AGPAT3: variants seen among roughly 807,000 people sequenced by gnomAD.
AGPAT3 encodes 1-acyl-sn-glycerol-3-phosphate acyltransferase gamma.
In AGPAT3, 5 loss-of-function variants were observed where a neutral mutation model predicts 47.3. The observed-to-expected ratio is 0.11, with a 90% CI of 0.06 to 0.22. The LOEUF (loss-of-function observed/expected upper bound fraction) is 0.22. Ranked by LOEUF, AGPAT3 falls within the 10% of genes least tolerant of loss-of-function variation. The pLI, the probability that AGPAT3 is intolerant of heterozygous loss-of-function variation, is 1.00. For synonymous variants in AGPAT3, 212 were observed against 208.3 expected, an observed-to-expected ratio of 1.02 and a Z score of -0.15; for missense variants, 315 against 493.0, an observed-to-expected ratio of 0.64 and a Z score of 3.42.
intron 1 of AGPAT3, among the ~76,000 whole-genome samples, chr21:43,877,965 C>T (rs1372179914): frequency 6.6e-6 from 1 of 152,084 alleles, no homozygotes; most frequent in African/African-American, 2.4e-5. Flanking sequence ...CGCCTCCTGC[C>T]CCACCACCAG....
chr21:43,974,757 G>A (rs1279752099), intron 7 of AGPAT3, among the ~76,000 whole-genome samples: 1 of 152,114 alleles, frequency 6.6e-6, no homozygotes, highest in African/African-American at 2.4e-5. Flanking sequence ...ACATGGGGCT[G>A]TGTGTGTCAG....
chr21:43,974,398 GGTGT>G (rs2089521943), intron 7 of AGPAT3, among the ~76,000 whole-genome samples: 2 of 149,798 alleles, frequency 1.3e-5, no homozygotes, highest in South Asian at 4.2e-4. Context: ...TGTGAGGTAT[GGTGT>G]GTGTAAATTA....
intron 2 of AGPAT3, among the ~76,000 whole-genome samples, chr21:43,944,816 A>G (rs1232111534): frequency 6.6e-6 from 1 of 152,256 alleles, no homozygotes; most frequent in Admixed American, 6.5e-5. Context: ...AAAAGCTCAG[A>G]TGTGCAGTGT....
intron 7 of AGPAT3, among the ~76,000 whole-genome samples, chr21:43,975,461 C>G (rs1016902853): frequency 6.6e-6 from 1 of 152,170 alleles, no homozygotes; most frequent in African/African-American, 2.4e-5. Context: ...CGAGACTCAG[C>G]TTTCACTTCT....
intron 1 of AGPAT3, among the ~76,000 whole-genome samples, chr21:43,893,698 T>G (rs2086150227): frequency 6.6e-6 from 1 of 151,982 alleles, no homozygotes; most frequent in African/African-American, 2.4e-5. Context: ...AACACTGCTG[T>G]GTAACAGGGA....
chr21:43,941,798 G>C (rs755385562), intron 2 of AGPAT3, among the ~76,000 whole-genome samples: 36 of 152,266 alleles, frequency 2.4e-4, no homozygotes, highest in African/African-American at 8.7e-4. Flanking sequence ...GGCGGAGAAA[G>C]GGTATCAAAT....
chr21:43,974,336 G>C (rs2089518252), intron 7 of AGPAT3, among the ~76,000 whole-genome samples: 1 of 151,630 alleles, frequency 6.6e-6, no homozygotes, highest in Non-Finnish European at 1.5e-5. Flanking sequence ...TGTATAGTGT[G>C]GCGTGTGTAT....
Position 43,955,242 on chromosome 21 carries a change from G to C in AGPAT3, c.-48-4392G>C. ...TCTGTGTTTGTGAACCTCTAGAAAAGGTAAATTAACCTATAGAGCTGGAAA... is the reference window on the plus strand; with the variant it reads ...TCTGTGTTTGTGAACCTCTAGAAAACGTAAATTAACCTATAGAGCTGGAAA... On this transcript the variant is annotated intron_variant, in intron 2 of 9. Transcript: ENST00000291572. The surrounding 1 kb of genome is among the most constrained non-coding windows in gnomAD (Gnocchi z 4.1). 3 of 1,220,224 alleles carry C rather than the reference G, an allele frequency of 2.5e-6. No individual in the cohort carries two copies. Among genetic ancestry groups the C allele is most frequent in the South Asian group, 2.8e-5 (2 of 72,392 alleles). The allele number at this position is 1,220,224 out of a possible 1,614,324, so 75.6% of individuals were successfully genotyped here.
Position 43,971,954 on chromosome 21 carries a change from A to C in AGPAT3, c.767+464A>C, listed in dbSNP as rs549777432. Among the ~76,000 whole-genome samples the C allele has an allele frequency of 4.1e-3, 621 of 151,648 alleles. 4 individuals carry two copies. The highest frequency in any genetic ancestry group is 0.014 in the African/African-American group (576 of 41,290). On this transcript the variant is annotated intron_variant, in intron 7 of 9. Coordinates refer to ENST00000291572, the MANE Select transcript of AGPAT3 (RefSeq NM_020132.5). Reference sequence around the variant, plus strand: ...ACGACCTGGGGGGCATACGGTGCTGACTTCTCACCGAGGGGTGAAACCCAG... The same window carrying C: ...ACGACCTGGGGGGCATACGGTGCTGCCTTCTCACCGAGGGGTGAAACCCAG...
chr21:43,962,087 G>A (rs2088898309), intron 3 of AGPAT3, among the ~76,000 whole-genome samples: 1 of 148,676 alleles, frequency 6.7e-6, no homozygotes, highest in Non-Finnish European at 1.5e-5. Context: ...TGCAAGCTCT[G>A]CCTCCTGGGT....
intron 3 of AGPAT3, among the ~76,000 whole-genome samples, chr21:43,962,659 A>G (rs2088931606): frequency 6.6e-6 from 1 of 152,174 alleles, no homozygotes; most frequent in Non-Finnish European, 1.5e-5. Flanking sequence ...GCCTTTCAGG[A>G]GCCTAACCCT....
chr21:43,946,365 C>T (rs1266167979), intron 2 of AGPAT3, among the ~76,000 whole-genome samples: 3 of 151,920 alleles, frequency 2.0e-5, no homozygotes, highest in Admixed American at 2.0e-4. Flanking sequence ...TTTGGGAAGC[C>T]GAGGTGGGTG....
intron 1 of AGPAT3, among the ~76,000 whole-genome samples, chr21:43,902,523 G>GTT (rs1310092583): frequency 6.6e-6 from 1 of 152,244 alleles, no homozygotes; most frequent in East Asian, 1.9e-4. Flanking sequence ...GTGCCTGTAG[G>GTT]TTTGGTGGCT....
chr21:43,906,880 A>G (rs2086511024), intron 2 of AGPAT3, among the ~76,000 whole-genome samples: 1 of 152,242 alleles, frequency 6.6e-6, no homozygotes, highest in African/African-American at 2.4e-5. Context: ...GAAGAAGCGC[A>G]GTGGGTCAGC....
chr21:43,873,003 G>A (rs144534262), intron 1 of AGPAT3, among the ~76,000 whole-genome samples: 9 of 152,352 alleles, frequency 5.9e-5, no homozygotes, highest in African/African-American at 1.9e-4. Context: ...CTGCCGGGAC[G>A]GCGAAACTTA....
In AGPAT3 at chr21:43,955,051, G is replaced by A; in HGVS notation, c.-48-4583G>A. On this transcript the variant is annotated intron_variant, in intron 2 of 9. Coordinates refer to ENST00000291572, the MANE Select transcript of AGPAT3 (RefSeq NM_020132.5). The surrounding 1 kb of genome is among the most constrained non-coding windows in gnomAD (Gnocchi z 4.1). ...GTGAATGTGCATCACGGCTCTATCT[G>A]TGGCCCCCAAAGGCTGGGTGCCAGC... 1 of 1,219,716 alleles carries A rather than the reference G, an allele frequency of 8.2e-7. No individual in the cohort carries two copies. Among genetic ancestry groups the A allele is most frequent in the Non-Finnish European group, 1.1e-6 (1 of 946,754 alleles). The allele number at this position is 1,219,716 out of a possible 1,614,324, so 75.6% of individuals were successfully genotyped here.
At chr21:43,907,029 CTT>C (rs760824887) in intron 2 of AGPAT3, among the ~76,000 whole-genome samples, 53 of 128,804 alleles carry the variant, frequency 4.1e-4, no homozygotes, top group Admixed American at 1.0e-3. Flanking sequence ...TCTTTTCTTT[CTT>C]TTTTTTTTTT....
At chr21:43,903,034 AG>A (rs1224439934) in intron 1 of AGPAT3, among the ~76,000 whole-genome samples, 1 of 152,180 alleles carries the variant, frequency 6.6e-6, no homozygotes, top group African/African-American at 2.4e-5. Flanking sequence ...GGGGGACACA[AG>A]CATTCAGTCC....
intron 2 of AGPAT3, among the ~76,000 whole-genome samples, chr21:43,912,381 T>A (rs547633702): frequency 9.2e-5 from 14 of 152,268 alleles, no homozygotes; most frequent in Non-Finnish European, 1.5e-4. Flanking sequence ...GCGCTGGCCA[T>A]GGCGCAGACC....
Sources: allele counts gnomAD v4.1 joint callset (sites outside exome capture counted in the v4.1 genomes callset), GRCh38; gene constraint gnomAD v4.1.1; non-coding constraint Gnocchi (gnomAD v3.1); transcripts MANE v1.5; gene names NCBI Gene and HGNC (gene_info 2026-07-23, HGNC 2026-07-21).